The following DEFB134 variants were observed in gnomAD, a reference collection of about 807,000 sequenced individuals.
The protein encoded by DEFB134 is beta-defensin 134.
A neutral mutation model predicts 7.4 loss-of-function variants in DEFB134; 7 were observed. That is an observed-to-expected ratio of 0.95 (90% CI 0.54 to 1.79). The LOEUF (loss-of-function observed/expected upper bound fraction) is 1.79. Among genes scored for constraint, DEFB134 ranks in the 40% most tolerant of loss-of-function variants. The probability of loss-of-function intolerance (pLI) is 0.00; values close to 1 mark genes in which losing one functional copy is unlikely to be tolerated. For synonymous variants in DEFB134, 33 were observed against 25.0 expected (o/e 1.32, Z -0.96); for missense variants, 105 against 74.8 (o/e 1.40, Z -1.49).
upstream of DEFB134, chr8:11,996,369 C>T (rs575757832): frequency 1.0e-4 from 116 of 1,121,158 alleles, no homozygotes; most frequent in Admixed American, 1.7e-3. Flanking sequence ...GGGTATGCCT[C>T]GCTTCAGGTA....
At chr8:11,994,414 A>G (rs1800064550) in intron 1 of DEFB134, among the ~76,000 whole-genome samples, 1 of 152,234 alleles carries the variant, frequency 6.6e-6, no homozygotes, top group South Asian at 2.1e-4. Context: ...TTGATAGGCT[A>G]ATCCAATAGG....
upstream of DEFB134, among the ~76,000 whole-genome samples, chr8:11,997,519 T>TGGA (rs1800158820): frequency 6.6e-6 from 1 of 152,144 alleles, no homozygotes; most frequent in South Asian, 2.1e-4. Flanking sequence ...AGGAAAGGGA[T>TGGA]GGAGAAAGAT....
chr8:11,997,368 G>A (rs1800153776), upstream of DEFB134, among the ~76,000 whole-genome samples: 1 of 152,120 alleles, frequency 6.6e-6, no homozygotes, highest in African/African-American at 2.4e-5. Flanking sequence ...AAATAAAGCT[G>A]CTATGGACAT....
chr8:11,993,455 G>C (rs755889253), exon 2 of DEFB134: 1 of 152,358 alleles, frequency 6.6e-6, no homozygotes, highest in African/African-American at 2.4e-5. Flanking sequence ...GGCCTCTCCT[G>C]TTCCAAAGGA....
chr8:11,996,284 AG>A lies in DEFB134; in HGVS notation c.-34del, dbSNP rs552832928. On this transcript the variant is annotated 5_prime_UTR_variant, in exon 1 of 2. Transcript: ENST00000526438. Reference sequence around the variant, plus strand: ...AACTTCTGTTAAGGAGGCTAGTGGCAGGGTCTGACATCGGCTGTCAGGGAAC... The same window carrying A: ...AACTTCTGTTAAGGAGGCTAGTGGCAGGTCTGACATCGGCTGTCAGGGAAC... The A allele has an allele frequency of 9.1e-5, 147 of 1,611,912 alleles. No homozygotes were observed. The African/African-American group carries it at 1.7e-3, about 18-fold the overall frequency.
At chr8:11,996,350 T>G (rs557493495), upstream of DEFB134, 2 of 1,385,098 alleles carry the variant, frequency 1.4e-6, no homozygotes, top group African/African-American at 2.9e-5. Flanking sequence ...TACAAACCTC[T>G]CAGGGCTGGG....
chr8:12,000,280 T>C (rs1188120964), upstream of DEFB134, among the ~76,000 whole-genome samples: 1 of 152,204 alleles, frequency 6.6e-6, no homozygotes, highest in African/African-American at 2.4e-5. Flanking sequence ...ATCAATTATT[T>C]GTGTCTCTGA....
chr8:11,996,952 A>G (rs1800140601), upstream of DEFB134, among the ~76,000 whole-genome samples: 2 of 152,238 alleles, frequency 1.3e-5, 1 homozygote, highest in South Asian at 4.1e-4. Context: ...CAAACAGTAA[A>G]GTGTACAATC....
exon 2 of DEFB134, chr8:11,993,247 A>G (rs1800024865): frequency 6.6e-6 from 1 of 152,258 alleles, no homozygotes; most frequent in South Asian, 2.1e-4. Context: ...AAGCCACAGG[A>G]TAACACCCAT....
At chr8:11,998,774 T>C (rs561028811), upstream of DEFB134, among the ~76,000 whole-genome samples, 1 of 151,922 alleles carries the variant, frequency 6.6e-6, no homozygotes, top group Admixed American at 6.6e-5. Context: ...AAAGAATGAA[T>C]AAGTCTGCTT....
chr8:11,996,962 C>T (rs763863650), upstream of DEFB134, among the ~76,000 whole-genome samples: 1 of 152,164 alleles, frequency 6.6e-6, no homozygotes, highest in Admixed American at 6.5e-5. Flanking sequence ...AGTGTACAAT[C>T]GGATAAGTTT....
At chr8:11,993,815 C>A (rs1042345302) in exon 2 of DEFB134, 17 of 887,660 alleles carry the variant, frequency 1.9e-5, no homozygotes, top group Middle Eastern at 2.4e-4. Context: ...TACAGCTCAG[C>A]TCTTTAAATT....
upstream of DEFB134, among the ~76,000 whole-genome samples, chr8:12,000,537 A>C (rs1291528241): frequency 1.3e-5 from 2 of 152,218 alleles, no homozygotes; most frequent in African/African-American, 4.8e-5. Context: ...CTATATATAC[A>C]GTGCTTTTTT....
At chr8:11,996,545 T>C (rs1800128959), upstream of DEFB134, among the ~76,000 whole-genome samples, 1 of 152,232 alleles carries the variant, frequency 6.6e-6, no homozygotes, top group Non-Finnish European at 1.5e-5. Context: ...CTATGTGCTC[T>C]TACTCTTTTA....
chr8:11,994,070 G>A (rs767646422), exon 2 of DEFB134: 2 of 1,613,814 alleles, frequency 1.2e-6, no homozygotes, highest in South Asian at 2.2e-5. Context: ...CAAGTCTGCA[G>A]ATGCCATTTT....
chr8:11,996,319 G>A, upstream of DEFB134: 3 of 1,574,850 alleles, frequency 1.9e-6, no homozygotes, highest in Admixed American at 3.3e-5. Context: ...ACAGAGAGAA[G>A]AGGTTGAGCA....
At chr8:11,993,821 AAATTT>A in exon 2 of DEFB134, 1 of 969,408 alleles carries the variant, frequency 1.0e-6, no homozygotes, top group Non-Finnish European at 1.4e-6. Flanking sequence ...TCAGCTCTTT[AAATTT>A]AAGACCACAA....
At chr8:11,999,910 G>T (rs1210033756), upstream of DEFB134, among the ~76,000 whole-genome samples, 1 of 152,172 alleles carries the variant, frequency 6.6e-6, no homozygotes, top group Non-Finnish European at 1.5e-5. Flanking sequence ...TTAGAAAATG[G>T]AGAAGTACAA....
chr8:11,994,802 A>C (rs1290058270), intron 1 of DEFB134, among the ~76,000 whole-genome samples: 2 of 152,224 alleles, frequency 1.3e-5, no homozygotes, highest in Non-Finnish European at 2.9e-5. Context: ...AGTATGATAT[A>C]GACCTTAACC....
Sources: gnomAD v4.1 joint callset for allele counts (sites outside exome capture counted in the v4.1 genomes callset) on GRCh38, gnomAD v4.1.1 for gene constraint, MANE v1.5 for transcripts, NCBI Gene and HGNC (gene_info 2026-07-23, HGNC 2026-07-21) for gene names.